FTCD: variants seen among roughly 807,000 people sequenced by gnomAD.
FTCD encodes formimidoyltransferase-cyclodeaminase.
A neutral mutation model predicts 62.9 loss-of-function variants in FTCD; 76 were observed. The observed-to-expected ratio is 1.21, with a 90% CI of 1.00 to 1.46. The LOEUF (loss-of-function observed/expected upper bound fraction) is 1.46. FTCD is among the 40% of genes most tolerant of loss of function. The pLI is 0.00. For missense variants in FTCD, 845 were observed against 751.3 expected (o/e 1.12, Z -1.46); for synonymous variants, 397 against 336.9 (o/e 1.18, Z -1.95).
At chr21:46,140,100 T>C (rs2078961769) in intron 10 of FTCD, among the ~76,000 whole-genome samples, 1 of 151,154 alleles carries the variant, frequency 6.6e-6, no homozygotes, top group Non-Finnish European at 1.5e-5. Context: ...GATATCTCCT[T>C]ATGTTTTTCA....
chr21:46,146,677 G>A (rs556458178), intron 7 of FTCD: 2 of 388,068 alleles, frequency 5.2e-6, no homozygotes, highest in African/African-American at 4.0e-5. Flanking sequence ...CATCGCTGAC[G>A]GGCGGGAAAG....
chr21:46,145,375 T>TG, intron 10 of FTCD, 42 bp downstream of exon 10: 1 of 1,496,990 alleles, frequency 6.7e-7, no homozygotes, highest in South Asian at 1.2e-5. Context: ...GGGGGTTCGC[T>TG]GTTGGTGGGG....
intron 7 of FTCD, among the ~76,000 whole-genome samples, chr21:46,148,349 C>T (rs891104797): frequency 1.2e-4 from 18 of 152,232 alleles, no homozygotes; most frequent in Admixed American, 1.0e-3. Flanking sequence ...ACTGGCTGGG[C>T]GTGTTGGTGC....
chr21:46,150,082 C>T lies in FTCD; in HGVS notation c.906+37G>A, dbSNP rs374148439. The T allele has an allele frequency of 2.2e-3, 3,535 of 1,573,066 alleles. 10 individuals carry two copies. The highest frequency in any genetic ancestry group is 2.7e-3 in the Non-Finnish European group (3,142 of 1,152,794). On this transcript the variant is annotated intron_variant, in intron 7 of 13. Transcript: ENST00000397746. The stretch of plus-strand genomic sequence containing the variant: ...CCACCGCCTCCCCACCCTCCCTGCA[C>T]GCCCCTGTCCGACCCTTCCTCGGCA...
At chr21:46,136,282 T>TA, downstream of FTCD, 1 of 618,344 alleles carries the variant, frequency 1.6e-6, no homozygotes, top group Non-Finnish European at 2.8e-6. Context: ...AATTATTTTT[T>TA]AATGGAGAAC....
rs202218644 is a variant in FTCD, at chr21:46,155,569, A to G, written c.-46T>C. ...TGCTCCTCTCTGGGCAGATGGAAGG[A>G]CAGGGCCAGTGCTCCGCAGCCGCCG... On this transcript the variant is annotated 5_prime_UTR_variant, in exon 1 of 14. Transcript: ENST00000397746. The G allele has an allele frequency of 1.5e-5, 23 of 1,557,038 alleles. No individual in the cohort carries two copies. The African/African-American group carries it at 3.0e-4, about 20-fold the overall frequency.
At chr21:46,149,934 G>C (rs1379807488) in intron 7 of FTCD, among the ~76,000 whole-genome samples, 185 bp downstream of exon 7, 1 of 152,032 alleles carries the variant, frequency 6.6e-6, no homozygotes, top group Admixed American at 6.5e-5. Flanking sequence ...CATATCATAG[G>C]TCACAAAAAA....
At chr21:46,154,816 C>G (rs2123589598) in intron 1 of FTCD, among the ~76,000 whole-genome samples, 1 of 152,352 alleles carries the variant, frequency 6.6e-6, no homozygotes, top group Middle Eastern at 3.4e-3. Context: ...GGCCTTGGTG[C>G]TGGCTGGAAT....
At position 46,150,130 on chromosome 21, in the gene FTCD, G is replaced by T. The variant is rs747491063; in HGVS notation, c.895C>A (p.Arg299=). ...ENLFILEEEQ[R]IRLVVSRLGL... is the part of the protein sequence containing the mutation. Reference sequence around the variant, plus strand: ...GCAGCCCGGCCCACCAGCCTGATCCGCTGCTCCTCCTCCAGGATGAAGAGG... The same window carrying T: ...GCAGCCCGGCCCACCAGCCTGATCCTCTGCTCCTCCTCCAGGATGAAGAGG... The change falls in exon 7 of 14, where the codon CGG becomes AGG. Residue 299 remains arginine, a synonymous_variant. Transcript: ENST00000397746. The T allele has an allele frequency of 2.8e-6, 4 of 1,404,938 alleles. No individual in the cohort carries two copies. The highest frequency in any genetic ancestry group is 3.8e-6 in the Non-Finnish European group (4 of 1,049,764). The allele number at this position is 1,404,938 out of a possible 1,614,324, so 87.0% of individuals were successfully genotyped here.
chr21:46,152,468 G>A (rs557905768), intron 3 of FTCD: 4 of 201,664 alleles, frequency 2.0e-5, no homozygotes, highest in East Asian at 1.3e-4. Flanking sequence ...CGGGGGTTAC[G>A]TGTGCCCTGC....
chr21:46,155,467 C>A lies in FTCD; in HGVS notation c.54+3G>T. ...GATGCTTGACCAGCTCCTCGGGCCT[C>A]ACCTCCTGGTTCTTCCCCTCCGAAA... On this transcript the variant is annotated splice_donor_region_variant and intron_variant, in intron 1 of 13. Transcript: ENST00000397746. The A allele has an allele frequency of 6.2e-7, 1 of 1,612,154 alleles. No individual in the cohort carries two copies. Among genetic ancestry groups the A allele is most frequent in the Non-Finnish European group, 8.5e-7 (1 of 1,179,092 alleles).
chr21:46,139,229 C>T (rs2123485466), intron 10 of FTCD, among the ~76,000 whole-genome samples: 1 of 152,302 alleles, frequency 6.6e-6, no homozygotes, highest in African/African-American at 2.4e-5. Flanking sequence ...CCTGAGCCCT[C>T]AGAACCTGTA....
In FTCD at chr21:46,146,418, C is replaced by T. The variant is rs112500544; in HGVS notation, c.907-91G>A. On this transcript the variant is annotated intron_variant, in intron 7 of 13. Coordinates refer to ENST00000397746, the MANE Select transcript of FTCD (RefSeq NM_206965.2). ...CCGCGGGTCCCACCCTTGCGGCAGC[C>T]GCCCCCTGCCCCGAGCACACAGGTG... 2.0e-3 allele frequency: 1,747 copies of T among 871,988 alleles called. 18 individuals carry two copies. The African/African-American group carries it at 0.025, about 12-fold the overall frequency. 54.0% of individuals were successfully genotyped at this position (871,988 alleles called of 1,614,324 possible).
chr21:46,138,997 G>A (rs1410504919), intron 10 of FTCD, 74 bp from the exon 11 acceptor site: 9 of 1,145,030 alleles, frequency 7.9e-6, no homozygotes, highest in African/African-American at 1.5e-5. Flanking sequence ...CTCCCACAAG[G>A]GGCTGTAGCA....
intron 10 of FTCD, among the ~76,000 whole-genome samples, chr21:46,141,790 C>A (rs1169844279): frequency 6.6e-6 from 1 of 152,110 alleles, no homozygotes; most frequent in Non-Finnish European, 1.5e-5. Flanking sequence ...AAATATTCAC[C>A]AGATAACTTC....
intron 10 of FTCD, among the ~76,000 whole-genome samples, chr21:46,139,434 G>A (rs55978031): frequency 0.061 from 9,220 of 151,408 alleles, 380 homozygotes; most frequent in Middle Eastern, 0.13. Context: ...TAAGGCACTC[G>A]GCTCCTCGGA....
chr21:46,136,600 A>C, downstream of FTCD: 2 of 1,528,682 alleles, frequency 1.3e-6, 1 homozygote, highest in South Asian at 2.4e-5. Context: ...GACCCTGCCC[A>C]CTGTGGGCTG....
chr21:46,146,210 G>T, intron 8 of FTCD, 56 bp downstream of exon 8: 2 of 1,275,296 alleles, frequency 1.6e-6, no homozygotes, highest in Non-Finnish European at 2.3e-6. Flanking sequence ...GCCCCGCAAG[G>T]CCCGAGAGGC....
intron 10 of FTCD, chr21:46,142,029 G>A (rs1030252618): frequency 6.6e-6 from 1 of 152,398 alleles, no homozygotes; most frequent in Non-Finnish European, 1.5e-5. Flanking sequence ...AGCAAGAGAG[G>A]CGAGCACTGG....
Sources: gnomAD v4.1 joint callset for allele counts (sites outside exome capture counted in the v4.1 genomes callset) on GRCh38, gnomAD v4.1.1 for gene constraint, MANE v1.5 for transcripts, NCBI Gene and HGNC (gene_info 2026-07-23, HGNC 2026-07-21) for gene names.